Variants in AHCYL2 observed in about 807,000 individuals in gnomAD.
AHCYL2 encodes S-adenosylhomocysteine hydrolase-like protein 2.
In AHCYL2, 28 loss-of-function variants were observed where a neutral mutation model predicts 81.4. That is an observed-to-expected ratio of 0.34 (90% CI 0.25 to 0.47). The LOEUF is 0.47. AHCYL2 is among the 20% of genes least tolerant of loss of function. The pLI, the probability that AHCYL2 is intolerant of heterozygous loss-of-function variation, is 1.00. For missense variants in AHCYL2, 551 were observed against 785.1 expected, an observed-to-expected ratio of 0.70 and a Z score of 3.56; for synonymous variants, 272 against 290.2, an observed-to-expected ratio of 0.94 and a Z score of 0.64.
chr7:129,259,932 T>C (rs923841261), intron 1 of AHCYL2, among the ~76,000 whole-genome samples: 4 of 151,982 alleles, frequency 2.6e-5, no homozygotes, highest in African/African-American at 9.7e-5. Flanking sequence ...CAAAACTAGC[T>C]GGGCATGGTG....
At chr7:129,385,985 A>G (rs1278154884) in intron 2 of AHCYL2, among the ~76,000 whole-genome samples, 1 of 152,240 alleles carries the variant, frequency 6.6e-6, no homozygotes. Context: ...ATAAATGAGT[A>G]AATTTATTTA....
At chr7:129,403,198 A>G (rs539049951) in intron 6 of AHCYL2, among the ~76,000 whole-genome samples, 181 bp from the exon 7 acceptor site, 5 of 152,288 alleles carry the variant, frequency 3.3e-5, no homozygotes, top group African/African-American at 1.2e-4. Context: ...TTTTACTTCA[A>G]TATAATGACT....
At chr7:129,383,152 A>G (rs1584859262) in intron 2 of AHCYL2, among the ~76,000 whole-genome samples, 1 of 151,688 alleles carries the variant, frequency 6.6e-6, no homozygotes, top group Middle Eastern at 3.4e-3. Context: ...TTTTATAGAT[A>G]TCTCTTTTTA....
At chr7:129,355,928 G>A (rs993234538) in intron 1 of AHCYL2, among the ~76,000 whole-genome samples, 1 of 152,122 alleles carries the variant, frequency 6.6e-6, no homozygotes, top group Non-Finnish European at 1.5e-5. Context: ...GAACTTTTTG[G>A]CAGAAAAGTA....
chr7:129,346,146 T>C (rs1258417487), intron 1 of AHCYL2, among the ~76,000 whole-genome samples: 3 of 152,066 alleles, frequency 2.0e-5, no homozygotes. Context: ...GTGGTGGTGG[T>C]TGGTATTTGG....
In AHCYL2 at chr7:129,239,147, G is replaced by A. The variant is rs572344662; in HGVS notation, c.363+13708G>A. ...TAACACTCAAGCTAATCTGATAAAC[G>A]TGTAAATCAGAGGATATTCTGGAAA... On this transcript the variant is annotated intron_variant, in intron 1 of 16. Coordinates refer to ENST00000325006, the MANE Select transcript of AHCYL2 (RefSeq NM_015328.4). Among the ~76,000 whole-genome samples, 10 of 152,254 alleles carry A rather than the reference G, an allele frequency of 6.6e-5. No individual in the cohort carries two copies. In the South Asian group the frequency reaches 1.7e-3, roughly 25 times the overall value.
Position 129,359,528 on chromosome 7 carries a change from A to C in AHCYL2, c.364-20110A>C, listed in dbSNP as rs527364792. ...TATAAAAAGTTTATTTTAAAAAAGA[A>C]TATAGCGAGAAGCACACATTCTACA... On this transcript the variant is annotated intron_variant, in intron 1 of 16. Coordinates refer to ENST00000325006, the MANE Select transcript of AHCYL2 (RefSeq NM_015328.4). Among the ~76,000 whole-genome samples the C allele has an allele frequency of 3.3e-5, 5 of 152,366 alleles. No individual in the cohort carries two copies. The South Asian group carries it at 1.0e-3, about 32-fold the overall frequency.
intron 6 of AHCYL2, among the ~76,000 whole-genome samples, chr7:129,402,671 C>G (rs1796091255): frequency 6.6e-6 from 1 of 152,290 alleles, no homozygotes; most frequent in Middle Eastern, 3.4e-3. Context: ...TTGTGTTTAT[C>G]TTTAATCCCA....
At chr7:129,424,814 A>G (rs1476751599) in intron 13 of AHCYL2, 60 bp from the exon 14 acceptor site, 2 of 1,584,930 alleles carry the variant, frequency 1.3e-6, no homozygotes, top group Non-Finnish European at 1.7e-6. Flanking sequence ...CTCTTCCCTC[A>G]CTTCTCAAAG....
intron 7 of AHCYL2, among the ~76,000 whole-genome samples, chr7:129,404,183 C>T (rs1204185591): frequency 6.6e-6 from 1 of 152,004 alleles, no homozygotes; most frequent in East Asian, 1.9e-4. Context: ...TGCTAGGAAT[C>T]TAGCAGTAGA....
At chr7:129,367,882 C>T (rs531492792) in intron 1 of AHCYL2, among the ~76,000 whole-genome samples, 2 of 152,162 alleles carry the variant, frequency 1.3e-5, no homozygotes, top group African/African-American at 4.8e-5. Flanking sequence ...TTGAGATATG[C>T]GAGAGTTTGG....
chr7:129,236,161 T>C (rs1216115984), intron 1 of AHCYL2, among the ~76,000 whole-genome samples: 2 of 151,714 alleles, frequency 1.3e-5, no homozygotes, highest in East Asian at 1.9e-4. Context: ...TAGCTGGGAC[T>C]ACAGGTACAC....
chr7:129,424,703 G>T, intron 13 of AHCYL2, 171 bp from the exon 14 acceptor site: 1 of 640,020 alleles, frequency 1.6e-6, no homozygotes, highest in South Asian at 1.9e-5. Flanking sequence ...AATTTTAGTG[G>T]TTTCATTTAA....
intron 1 of AHCYL2, among the ~76,000 whole-genome samples, chr7:129,312,088 A>T (rs978244057): frequency 1.1e-4 from 16 of 152,070 alleles, no homozygotes; most frequent in African/African-American, 3.4e-4. Context: ...TCTTGGGCTC[A>T]GGCAGTCCTC....
intron 1 of AHCYL2, among the ~76,000 whole-genome samples, chr7:129,231,832 T>G (rs1480717238): frequency 2.6e-5 from 4 of 152,194 alleles, no homozygotes; most frequent in Non-Finnish European, 5.9e-5. Flanking sequence ...ATTAGATGAT[T>G]ATTTGTATGG....
intron 1 of AHCYL2, among the ~76,000 whole-genome samples, chr7:129,232,425 T>C (rs1398518132): frequency 6.6e-6 from 1 of 152,242 alleles, no homozygotes; most frequent in African/African-American, 2.4e-5. Context: ...ACACCCGTGC[T>C]GCTCTGACCA....
chr7:129,368,383 A>T lies in AHCYL2; in HGVS notation c.364-11255A>T, dbSNP rs1794205661. 1 of 1,556,646 alleles carries T rather than the reference A, an allele frequency of 6.4e-7. No individual in the cohort carries two copies. Among genetic ancestry groups the T allele is most frequent in the Admixed American group, 2.0e-5 (1 of 51,240 alleles). ...GATGCAGCTTCTGCTAGCCACTGTG[A>T]ACTTCTGAATCTCACTAGGGTTGGG... is the stretch of plus-strand genomic sequence containing the variant. On this transcript the variant is annotated intron_variant, in intron 1 of 16. Coordinates refer to ENST00000325006, the MANE Select transcript of AHCYL2 (RefSeq NM_015328.4). The surrounding 1 kb of genome is among the most constrained non-coding windows in gnomAD (Gnocchi z 4.4).
At chr7:129,287,081 T>A (rs1371608682) in intron 1 of AHCYL2, among the ~76,000 whole-genome samples, 1 of 152,018 alleles carries the variant, frequency 6.6e-6, no homozygotes, top group Non-Finnish European at 1.5e-5. Flanking sequence ...CTGCCATCTC[T>A]TTGATGGCCA....
chr7:129,345,608 C>G lies in AHCYL2; in HGVS notation c.364-34030C>G, dbSNP rs542963935. On this transcript the variant is annotated intron_variant, in intron 1 of 16. Transcript: ENST00000325006. Reference sequence around the variant, plus strand: ...GTGGTTGGCTTGCTTTAGTCTAGACCGTTGATGACTGAGTGAAGGTGTTTC... The same window carrying G: ...GTGGTTGGCTTGCTTTAGTCTAGACGGTTGATGACTGAGTGAAGGTGTTTC... 9.9e-5 allele frequency among the ~76,000 whole-genome samples: 15 copies of G among 152,118 alleles called. No homozygotes were observed. In the South Asian group the frequency reaches 2.9e-3, roughly 30 times the overall value.
Sources: allele counts gnomAD v4.1 joint callset (sites outside exome capture counted in the v4.1 genomes callset), GRCh38; gene constraint gnomAD v4.1.1; non-coding constraint Gnocchi (gnomAD v3.1); transcripts MANE v1.5; gene names NCBI Gene and HGNC (gene_info 2026-07-23, HGNC 2026-07-21).